Variants in CDK14 observed in about 807,000 individuals in gnomAD.
The protein encoded by CDK14 is cyclin dependent kinase 14.
In CDK14, 34 loss-of-function variants were observed where a neutral mutation model predicts 60.7. The observed-to-expected ratio is 0.56, with a 90% CI of 0.43 to 0.75. The LOEUF (loss-of-function observed/expected upper bound fraction) is 0.75. Among genes scored for constraint, CDK14 ranks in the 30% least tolerant of loss-of-function variants. CDK14 has a pLI of 0.00. For missense variants in CDK14, 482 were observed against 564.1 expected, an observed-to-expected ratio of 0.85 and a Z score of 1.47; for synonymous variants, 197 against 203.7, an observed-to-expected ratio of 0.97 and a Z score of 0.28.
chr7:90,615,262 A>G (rs1277297946), intron 2 of CDK14, among the ~76,000 whole-genome samples: 1 of 152,226 alleles, frequency 6.6e-6, no homozygotes, highest in East Asian at 1.9e-4. Context: ...GATTAAGAAT[A>G]TCTTTCTCCA....
At chr7:90,867,965 A>C (rs11978181) in intron 6 of CDK14, among the ~76,000 whole-genome samples, 4,564 of 151,514 alleles carry the variant, frequency 0.03, 223 homozygotes, top group African/African-American at 0.1. Context: ...GTCTCTACAT[A>C]AAATTAAAAA....
At chr7:90,956,533 A>G (rs200594425) in intron 9 of CDK14, among the ~76,000 whole-genome samples, 2 of 152,176 alleles carry the variant, frequency 1.3e-5, no homozygotes, top group East Asian at 3.8e-4. Context: ...TTATTAATAA[A>G]ATAATTTCTT....
intron 8 of CDK14, among the ~76,000 whole-genome samples, chr7:90,933,997 C>A (rs532546033): frequency 3.9e-5 from 6 of 152,256 alleles, no homozygotes; most frequent in Non-Finnish European, 7.3e-5. Context: ...TGATCTGACG[C>A]TCCACTCGCT....
chr7:90,656,801 A>G (rs781467867), intron 2 of CDK14, among the ~76,000 whole-genome samples: 4 of 152,228 alleles, frequency 2.6e-5, no homozygotes, highest in Non-Finnish European at 5.9e-5. Context: ...AAACATGAGA[A>G]ACAACTTTAT....
intron 14 of CDK14, among the ~76,000 whole-genome samples, chr7:91,197,119 G>GC (rs1357632494): frequency 6.6e-6 from 1 of 152,030 alleles, no homozygotes; most frequent in Non-Finnish European, 1.5e-5. Flanking sequence ...CAAATCCTAG[G>GC]CCGGGAGTGG....
intron 11 of CDK14, among the ~76,000 whole-genome samples, chr7:91,059,276 C>G (rs1425951353): frequency 6.6e-6 from 1 of 152,100 alleles, no homozygotes; most frequent in African/African-American, 2.4e-5. Flanking sequence ...TTTATTGCAT[C>G]TATTTGATTC....
At chr7:90,976,833 C>T (rs1000387568) in intron 9 of CDK14, among the ~76,000 whole-genome samples, 12 of 152,146 alleles carry the variant, frequency 7.9e-5, no homozygotes, top group Middle Eastern at 3.4e-3. Context: ...TGTTTTCCTG[C>T]GTGTAGCTAC....
intron 2 of CDK14, among the ~76,000 whole-genome samples, chr7:90,624,044 T>G (rs564631925): frequency 1.3e-5 from 2 of 152,342 alleles, no homozygotes; most frequent in Admixed American, 1.3e-4. Context: ...ATATGATATT[T>G]CAGTGAATTT....
At chr7:90,842,286 C>A (rs938694083) in intron 5 of CDK14, among the ~76,000 whole-genome samples, 1 of 152,072 alleles carries the variant, frequency 6.6e-6, no homozygotes, top group African/African-American at 2.4e-5. Flanking sequence ...TTTCTTTGTT[C>A]CTGTCAAACG....
At chr7:91,068,555 C>A (rs1798043879) in intron 11 of CDK14, among the ~76,000 whole-genome samples, 1 of 152,130 alleles carries the variant, frequency 6.6e-6, no homozygotes, top group East Asian at 1.9e-4. Flanking sequence ...GGAGATCAGT[C>A]AGTGCTCTAT....
chr7:91,152,473 G>T (rs1316876711), intron 14 of CDK14, among the ~76,000 whole-genome samples: 1 of 151,862 alleles, frequency 6.6e-6, no homozygotes. Context: ...ATTATTTCTG[G>T]TGCTTATGTT....
At chr7:91,070,446 T>C (rs1175917165) in intron 11 of CDK14, among the ~76,000 whole-genome samples, 3 of 152,166 alleles carry the variant, frequency 2.0e-5, no homozygotes, top group African/African-American at 7.2e-5. Context: ...CCATTAACTA[T>C]GTGTGGAATT....
intron 6 of CDK14, among the ~76,000 whole-genome samples, chr7:90,868,318 T>C (rs535438508): frequency 1.5e-4 from 22 of 144,336 alleles, no homozygotes; most frequent in Non-Finnish European, 3.3e-4. Context: ...CACACACACA[T>C]ACACATACAT....
intron 6 of CDK14, among the ~76,000 whole-genome samples, chr7:90,891,146 T>G (rs957565411): frequency 1.3e-5 from 2 of 152,212 alleles, no homozygotes; most frequent in South Asian, 2.1e-4. Flanking sequence ...ATTGCCCTTT[T>G]TCTTCAGAAA....
intron 14 of CDK14, among the ~76,000 whole-genome samples, chr7:91,195,967 T>C (rs1483925675): frequency 6.6e-6 from 1 of 152,250 alleles, no homozygotes; most frequent in African/African-American, 2.4e-5. Flanking sequence ...GGCCAGTCTG[T>C]GTTTCCCAGA....
chr7:91,034,951 C>T (rs1186146237), intron 10 of CDK14, among the ~76,000 whole-genome samples: 2 of 150,388 alleles, frequency 1.3e-5, no homozygotes, highest in African/African-American at 4.9e-5. Context: ...CACATACACA[C>T]ACACACACAC....
At chr7:91,160,335 A>G (rs866434042) in intron 14 of CDK14, among the ~76,000 whole-genome samples, 1 of 152,184 alleles carries the variant, frequency 6.6e-6, no homozygotes, top group Non-Finnish European at 1.5e-5. Flanking sequence ...CCCTGAGAGC[A>G]TAAGTACCAC....
chr7:90,945,423 G>T (rs1307226025), intron 8 of CDK14, among the ~76,000 whole-genome samples: 1 of 152,184 alleles, frequency 6.6e-6, no homozygotes, highest in Admixed American at 6.5e-5. Flanking sequence ...GAAACTCTGG[G>T]CAGGGTTAAG....
chr7:90,745,728 C>A (rs1383405076), intron 3 of CDK14, among the ~76,000 whole-genome samples: 1 of 152,110 alleles, frequency 6.6e-6, no homozygotes, highest in Non-Finnish European at 1.5e-5. Flanking sequence ...TAAAGTTATC[C>A]TTACCTTTGC....
Sources: allele counts gnomAD v4.1 joint callset (sites outside exome capture counted in the v4.1 genomes callset), GRCh38; gene constraint gnomAD v4.1.1; transcripts MANE v1.5; gene names NCBI Gene and HGNC (gene_info 2026-07-23, HGNC 2026-07-21).